The following RBM20 variants were observed in gnomAD, a reference collection of about 807,000 sequenced individuals.
RBM20 encodes RNA-binding protein 20.
A neutral mutation model predicts 110.1 loss-of-function variants in RBM20; 51 were observed. The ratio of observed to expected loss-of-function variants is 0.46; its 90% CI spans 0.37 to 0.59. The LOEUF (loss-of-function observed/expected upper bound fraction) is 0.59. RBM20 is among the 20% of genes least tolerant of loss of function. RBM20 has a pLI of 0.00. For synonymous variants in RBM20, 589 were observed against 618.2 expected, an observed-to-expected ratio of 0.95 and a Z score of 0.70; for missense variants, 1,512 against 1,574.9, an observed-to-expected ratio of 0.96 and a Z score of 0.68.
At chr10:110,703,949 T>C (rs1862797051) in intron 1 of RBM20, among the ~76,000 whole-genome samples, 1 of 152,108 alleles carries the variant, frequency 6.6e-6, no homozygotes, top group African/African-American at 2.4e-5. Context: ...CCATCTCTCC[T>C]AAAAATACAA....
rs754805893 is a variant in RBM20, at chr10:110,810,396, C to T, written c.1814C>T (p.Ala605Val). ...TGACTTTGCTAGAAACCCGGGAAGG[C>T]CGTGGCTGCCATCATCCAGGACATC... is the stretch of plus-strand genomic sequence containing the variant. The part of the protein sequence containing the change: ...KELQLKKPGK[A>V]VAAIIQDIHS... Residue 605 changes from alanine (A) to valine (V), a missense_variant, in exon 8 of 14, where the codon GCC becomes GTC. By Grantham distance (64) the Ala-to-Val change is moderately conservative (BLOSUM62 0). Transcript: ENST00000369519. 187 of 1,551,274 alleles carry T rather than the reference C, an allele frequency of 1.2e-4. 1 individual carries two copies. Among genetic ancestry groups the T allele is most frequent in the Non-Finnish European group, 1.6e-4 (184 of 1,146,764 alleles).
At chr10:110,747,600 A>G (rs1843797938) in intron 1 of RBM20, among the ~76,000 whole-genome samples, 1 of 152,186 alleles carries the variant, frequency 6.6e-6, no homozygotes, top group Admixed American at 6.5e-5. Flanking sequence ...TAACAGGAAG[A>G]CACTTTTATT....
chr10:110,670,053 T>C (rs1192323516), intron 1 of RBM20, among the ~76,000 whole-genome samples: 2 of 152,122 alleles, frequency 1.3e-5, no homozygotes, highest in African/African-American at 2.4e-5. Flanking sequence ...ATTCATCTCT[T>C]TGAAACCTTT....
chr10:110,740,173 T>C (rs965061723), intron 1 of RBM20, among the ~76,000 whole-genome samples: 6 of 152,236 alleles, frequency 3.9e-5, no homozygotes, highest in African/African-American at 1.2e-4. Context: ...GAGCACTGTT[T>C]AGAATTTTGT....
At chr10:110,754,581 G>T (rs1168885868) in intron 1 of RBM20, among the ~76,000 whole-genome samples, 2 of 152,018 alleles carry the variant, frequency 1.3e-5, no homozygotes, top group South Asian at 2.1e-4. Flanking sequence ...TCTAACCTCT[G>T]GTCCTTAATT....
intron 11 of RBM20, 24 bp from the exon 12 acceptor site, chr10:110,823,456 T>TG: frequency 6.7e-6 from 6 of 895,890 alleles, no homozygotes; most frequent in Admixed American, 6.2e-5. Flanking sequence ...TTTTTTTTTT[T>TG]TTGCCTTGGT....
At chr10:110,735,999 G>A (rs7897017) in intron 1 of RBM20, among the ~76,000 whole-genome samples, 22,179 of 152,110 alleles carry the variant, frequency 0.15, 2,161 homozygotes, top group East Asian at 0.27. Context: ...TTAACTAGGC[G>A]GTGGGCAGAA....
At position 110,713,709 on chromosome 10, in the gene RBM20, C is replaced by T. The variant is rs141489701; in HGVS notation, c.192-67092C>T. ...ACATTCATCAATTTAATGTCAGCCT[C>T]GCAACCATTCCCTAAAGTAGGTAGA... On this transcript the variant is annotated intron_variant, in intron 1 of 13. Transcript: ENST00000369519. Among the ~76,000 whole-genome samples the T allele has an allele frequency of 3.3e-5, 5 of 152,254 alleles. No homozygotes were observed. In the East Asian group the frequency reaches 7.7e-4, roughly 23 times the overall value.
intron 1 of RBM20, among the ~76,000 whole-genome samples, chr10:110,712,539 G>A (rs1433423148): frequency 3.3e-5 from 5 of 152,184 alleles, no homozygotes; most frequent in African/African-American, 1.2e-4. Flanking sequence ...GGCCAAGGCG[G>A]GTGGATCACT....
intron 1 of RBM20, among the ~76,000 whole-genome samples, chr10:110,659,715 TTTTTC>T (rs941387902): frequency 2.0e-5 from 3 of 152,106 alleles, no homozygotes; most frequent in African/African-American, 4.8e-5. Context: ...TCTGTTCTTT[TTTTTC>T]TTTTCTTTTC....
chr10:110,799,997 C>G, intron 7 of RBM20, 79 bp downstream of exon 7: 1 of 1,339,324 alleles, frequency 7.5e-7, no homozygotes, highest in Non-Finnish European at 1.0e-6. Flanking sequence ...CTGACCTAAA[C>G]GCTGGTGGAA....
chr10:110,723,224 T>C, intron 1 of RBM20, among the ~76,000 whole-genome samples: 1 of 152,174 alleles, frequency 6.6e-6, no homozygotes, highest in East Asian at 1.9e-4. Flanking sequence ...ATTCACCATT[T>C]AAAAATATAC....
chr10:110,808,363 G>A (rs554198947), intron 7 of RBM20, among the ~76,000 whole-genome samples: 3 of 152,352 alleles, frequency 2.0e-5, no homozygotes, highest in Admixed American at 1.3e-4. Context: ...TTAAGTGGCT[G>A]AGGTGCTGGA....
intron 1 of RBM20, among the ~76,000 whole-genome samples, chr10:110,752,738 G>T (rs968516991): frequency 1.3e-5 from 2 of 151,800 alleles, no homozygotes; most frequent in Admixed American, 6.6e-5. Flanking sequence ...GTCAATAAAT[G>T]GGATGCCCCT....
chr10:110,688,457 C>G (rs1160334315), intron 1 of RBM20, among the ~76,000 whole-genome samples: 2 of 152,066 alleles, frequency 1.3e-5, no homozygotes, highest in African/African-American at 2.4e-5. Flanking sequence ...CAAATTTGGC[C>G]CTAAGGATTT....
At chr10:110,793,838 C>T (rs947426518) in intron 5 of RBM20, among the ~76,000 whole-genome samples, 4 of 152,172 alleles carry the variant, frequency 2.6e-5, no homozygotes, top group Non-Finnish European at 5.9e-5. Context: ...ACCACATTAC[C>T]ATATTGATAA....
At chr10:110,726,032 G>A (rs1041521932) in intron 1 of RBM20, among the ~76,000 whole-genome samples, 3 of 151,276 alleles carry the variant, frequency 2.0e-5, no homozygotes, top group Non-Finnish European at 2.9e-5. Context: ...TGCCCCATCT[G>A]CCCACTCCTG....
chr10:110,806,604 T>C lies in RBM20; in HGVS notation c.1801-3779T>C, dbSNP rs566802528. Among the ~76,000 whole-genome samples the C allele has an allele frequency of 4.6e-5, 7 of 152,304 alleles. No homozygotes were observed. The East Asian group carries it at 1.2e-3, about 25-fold the overall frequency. On this transcript the variant is annotated intron_variant, in intron 7 of 13. Transcript: ENST00000369519. ...CCACCTTCAACATCTGGGATTACAA[T>C]TGAACATGAGATTTGGGTGGGGACA...
At chr10:110,705,527 T>C (rs1306129686) in intron 1 of RBM20, among the ~76,000 whole-genome samples, 1 of 152,242 alleles carries the variant, frequency 6.6e-6, no homozygotes, top group Non-Finnish European at 1.5e-5. Flanking sequence ...AATGAATTGA[T>C]TCTAAACTAG....
Sources: gnomAD v4.1 joint callset for allele counts (sites outside exome capture counted in the v4.1 genomes callset) on GRCh38, gnomAD v4.1.1 for gene constraint, MANE v1.5 for transcripts, NCBI Gene and HGNC (gene_info 2026-07-23, HGNC 2026-07-21) for gene names.